The following PRKG1 variants were observed in gnomAD, a reference collection of about 807,000 sequenced individuals.
PRKG1 encodes the protein protein kinase cGMP-dependent 1, also known as cGMP-dependent protein kinase 1.
In PRKG1, 35 loss-of-function variants were observed where a neutral mutation model predicts 88.1. The observed-to-expected ratio is 0.40, with a 90% CI of 0.30 to 0.53. PRKG1 has a LOEUF of 0.53. Among genes scored for constraint, PRKG1 ranks in the 20% least tolerant of loss-of-function variants. The probability of loss-of-function intolerance (pLI) is 0.59; values close to 1 mark genes in which losing one functional copy is unlikely to be tolerated. For missense variants in PRKG1, 540 were observed against 839.8 expected, an observed-to-expected ratio of 0.64 and a Z score of 4.41; for synonymous variants, 303 against 292.5, an observed-to-expected ratio of 1.04 and a Z score of -0.37.
chr10:52,140,784 G>A (rs933851028), intron 8 of PRKG1, among the ~76,000 whole-genome samples: 1 of 148,840 alleles, frequency 6.7e-6, no homozygotes, highest in Admixed American at 6.9e-5. Flanking sequence ...TCACCAACTA[G>A]GTCAGTCTCA....
rs369449642 is a variant in PRKG1, at chr10:51,004,256, G to C, written c.266+12612G>C. Among the ~76,000 whole-genome samples, 61 of 152,256 alleles carry C rather than the reference G, an allele frequency of 4.0e-4. 2 individuals are homozygous for C. The South Asian group carries it at 0.012, about 30-fold the overall frequency. On this transcript the variant is annotated intron_variant, in intron 1 of 17. Coordinates refer to the PRKG1 transcript ENST00000401604. Reference sequence around the variant, plus strand: ...AAGTGGGCAGATCACCTGAGGCTGGGAGTTCGAGACCAGCTTCACCAACAT... The same window carrying C: ...AAGTGGGCAGATCACCTGAGGCTGGCAGTTCGAGACCAGCTTCACCAACAT...
intron 4 of PRKG1, among the ~76,000 whole-genome samples, chr10:51,809,404 A>G (rs1280133417): frequency 1.3e-5 from 2 of 152,198 alleles, no homozygotes; most frequent in African/African-American, 4.8e-5. Flanking sequence ...ACTAAAAAAT[A>G]CTGTTGTTTT....
At chr10:51,144,855 C>A (rs1311777197) in intron 1 of PRKG1, among the ~76,000 whole-genome samples, 1 of 152,022 alleles carries the variant, frequency 6.6e-6, no homozygotes, top group Non-Finnish European at 1.5e-5. Flanking sequence ...AGTAAAGTAG[C>A]CAAGTCACCA....
intron 11 of PRKG1, among the ~76,000 whole-genome samples, chr10:52,271,705 T>C (rs961916674): frequency 4.6e-5 from 7 of 152,158 alleles, no homozygotes; most frequent in Non-Finnish European, 8.8e-5. Context: ...ACAATGTGTT[T>C]TCCCAAAGGA....
intron 3 of PRKG1, among the ~76,000 whole-genome samples, chr10:51,751,476 C>A (rs917666283): frequency 3.9e-5 from 6 of 152,252 alleles, no homozygotes; most frequent in African/African-American, 1.4e-4. Context: ...TATCCGCCTG[C>A]ATCTGCCTCC....
rs1304960390 is a variant in PRKG1, at chr10:51,627,990, TTCTCTC to T, written c.592+160170_592+160175del. On this transcript the variant is annotated intron_variant, in intron 3 of 17. Coordinates refer to ENST00000373980, the MANE Select transcript of PRKG1 (RefSeq NM_006258.4). ...TCTTTCTCTTTCTTTCTTTCTTTCT[TTCTCTC>T]TCTCTCTCTCTCTCTTTCTTTCTTT... 3.6e-3 allele frequency among the ~76,000 whole-genome samples: 129 copies of T among 36,178 alleles called. 2 individuals carry two copies. Among genetic ancestry groups the T allele is most frequent in the Admixed American group, 0.014 (44 of 3,122 alleles). The allele number at this position is 36,178 out of a possible 152,430, so 23.7% of individuals were successfully genotyped here.
intron 2 of PRKG1, among the ~76,000 whole-genome samples, chr10:51,399,157 T>C (rs558388766): frequency 1.3e-5 from 2 of 151,900 alleles, no homozygotes. Context: ...ATAAGATACA[T>C]AAAGATATAA....
chr10:51,007,630 C>G (rs1842953871), intron 1 of PRKG1, among the ~76,000 whole-genome samples: 1 of 152,178 alleles, frequency 6.6e-6, no homozygotes, highest in South Asian at 2.1e-4. Flanking sequence ...TGCTTAACAT[C>G]TTTGACCTTC....
chr10:51,547,037 T>C (rs1371328682), intron 3 of PRKG1, among the ~76,000 whole-genome samples: 1 of 57,418 alleles, frequency 1.7e-5, no homozygotes, highest in Non-Finnish European at 4.6e-5. Flanking sequence ...TTATTATAGA[T>C]ATGTAGGTGT....
intron 5 of PRKG1, chr10:51,910,110 C>G (rs951103684): frequency 2.0e-5 from 3 of 152,124 alleles, no homozygotes; most frequent in African/African-American, 7.2e-5. Context: ...ATCATTAAGG[C>G]CCTGCTTGAT....
intron 1 of PRKG1, among the ~76,000 whole-genome samples, chr10:51,080,160 G>T (rs571819226): frequency 1.3e-5 from 2 of 152,330 alleles, no homozygotes; most frequent in East Asian, 3.9e-4. Context: ...TTATAAAAAT[G>T]TATGAGACCA....
At chr10:51,283,339 A>C (rs1313961678) in intron 2 of PRKG1, among the ~76,000 whole-genome samples, 1 of 152,164 alleles carries the variant, frequency 6.6e-6, no homozygotes. Context: ...AATAAGGAAA[A>C]AAATCCCTTC....
chr10:52,278,717 G>A (rs1841930777), intron 12 of PRKG1, among the ~76,000 whole-genome samples: 1 of 151,874 alleles, frequency 6.6e-6, no homozygotes, highest in South Asian at 2.1e-4. Context: ...CATGAGGTCA[G>A]GAGGTCGAAC....
chr10:51,652,333 C>T (rs1167505453), intron 3 of PRKG1, among the ~76,000 whole-genome samples: 1 of 141,794 alleles, frequency 7.1e-6, no homozygotes, highest in African/African-American at 2.5e-5. Context: ...AAAAAAAAAG[C>T]TGTCTCAGAC....
chr10:52,289,561 G>A (rs1842194174), intron 16 of PRKG1, among the ~76,000 whole-genome samples: 1 of 152,054 alleles, frequency 6.6e-6, no homozygotes. Context: ...AAAGAAACAT[G>A]TTTACTAAAA....
At chr10:51,527,342 A>C (rs1841907754) in intron 3 of PRKG1, among the ~76,000 whole-genome samples, 1 of 152,122 alleles carries the variant, frequency 6.6e-6, no homozygotes, top group African/African-American at 2.4e-5. Context: ...ATAAAATGTA[A>C]ACATGTACAA....
At chr10:51,156,060 A>G (rs1200531499) in intron 2 of PRKG1, among the ~76,000 whole-genome samples, 1 of 151,932 alleles carries the variant, frequency 6.6e-6, no homozygotes, top group Non-Finnish European at 1.5e-5. Flanking sequence ...GAACAAGGTC[A>G]TACTTCCACC....
chr10:51,416,887 A>AT (rs1480048918), intron 2 of PRKG1, among the ~76,000 whole-genome samples: 1 of 152,216 alleles, frequency 6.6e-6, no homozygotes, highest in African/African-American at 2.4e-5. Context: ...AGAACACTGC[A>AT]TAAAAACATA....
chr10:51,435,174 T>C (rs1488294765), intron 2 of PRKG1, among the ~76,000 whole-genome samples: 4 of 152,082 alleles, frequency 2.6e-5, no homozygotes, highest in African/African-American at 9.7e-5. Flanking sequence ...TCCTATTAAG[T>C]TGCACAGTGG....
Sources: gnomAD v4.1 joint callset for allele counts (sites outside exome capture counted in the v4.1 genomes callset) on GRCh38, gnomAD v4.1.1 for gene constraint, MANE v1.5 for transcripts, NCBI Gene and HGNC (gene_info 2026-07-23, HGNC 2026-07-21) for gene names.